CRPPA: variants seen among roughly 807,000 people sequenced by gnomAD.
The protein encoded by CRPPA is CDP-L-ribitol pyrophosphorylase A.
Under a neutral mutation model 52.0 loss-of-function variants are expected in CRPPA, and 43 were observed. The observed-to-expected ratio is 0.83, with a 90% CI of 0.65 to 1.07. CRPPA has a LOEUF of 1.07. CRPPA is among the 50% of genes least tolerant of loss of function. The probability of loss-of-function intolerance (pLI) is 0.00; values close to 1 mark genes in which losing one functional copy is unlikely to be tolerated. For missense variants in CRPPA, 629 were observed against 551.7 expected (o/e 1.14, Z -1.40); for synonymous variants, 250 against 203.5 (o/e 1.23, Z -1.94).
intron 9 of CRPPA, among the ~76,000 whole-genome samples, chr7:16,165,226 G>A (rs1192021004): frequency 2.3e-4 from 34 of 147,660 alleles, no homozygotes; most frequent in Non-Finnish European, 2.1e-4. Flanking sequence ...CCTCCTCCAA[G>A]AAAAAAAAAA....
intron 2 of CRPPA, among the ~76,000 whole-genome samples, chr7:16,396,124 G>C (rs575669207): frequency 3.3e-5 from 5 of 152,244 alleles, no homozygotes; most frequent in South Asian, 2.1e-4. Flanking sequence ...TTCTCTAGAA[G>C]ACAATACTAT....
At chr7:16,098,172 T>C (rs1449962073) in intron 9 of CRPPA, among the ~76,000 whole-genome samples, 4 of 152,202 alleles carry the variant, frequency 2.6e-5, no homozygotes, top group Admixed American at 1.3e-4. Context: ...TCTCAAAGAA[T>C]AGCAGGAAAA....
chr7:16,216,413 T>C (rs967124705), intron 8 of CRPPA: 1 of 355,334 alleles, frequency 2.8e-6, no homozygotes, highest in African/African-American at 2.1e-5. Flanking sequence ...AAAACGAGGT[T>C]GAAAAACCAA....
At chr7:16,169,596 GA>G (rs1443791669) in intron 9 of CRPPA, among the ~76,000 whole-genome samples, 1 of 152,136 alleles carries the variant, frequency 6.6e-6, no homozygotes, top group Non-Finnish European at 1.5e-5. Flanking sequence ...TTAAATTCAA[GA>G]AAAAAATATA....
chr7:16,213,905 T>G (rs1382454468), intron 9 of CRPPA, among the ~76,000 whole-genome samples: 1 of 152,208 alleles, frequency 6.6e-6, no homozygotes, highest in Non-Finnish European at 1.5e-5. Context: ...TTAAATTCGT[T>G]CAACAAATTG....
intron 3 of CRPPA, among the ~76,000 whole-genome samples, chr7:16,321,808 A>C (rs1015209861): frequency 4.6e-5 from 7 of 152,192 alleles, no homozygotes; most frequent in Admixed American, 2.0e-4. Context: ...AAAAAGAATA[A>C]CTGGAAAACT....
At chr7:16,221,510 C>A (rs1200071684) in intron 8 of CRPPA, among the ~76,000 whole-genome samples, 9 of 152,092 alleles carry the variant, frequency 5.9e-5, no homozygotes, top group African/African-American at 2.2e-4. Context: ...GAACAGGCAA[C>A]CTACAAAATG....
In CRPPA at chr7:16,303,477, TAA is replaced by T. The variant is rs545663821; in HGVS notation, c.790-2013_790-2012del. On this transcript the variant is annotated intron_variant, in intron 4 of 9. Coordinates refer to ENST00000407010, the MANE Select transcript of CRPPA (RefSeq NM_001101426.4). Reference sequence around the variant, plus strand: ...GTTTCTGTGTTGAGACATAAAATAGTAAAAAAAAAAAAAAAAAAAAAAAAAAC... The same window carrying T: ...GTTTCTGTGTTGAGACATAAAATAGTAAAAAAAAAAAAAAAAAAAAAAAAC... 6.2e-3 allele frequency among the ~76,000 whole-genome samples: 281 copies of T among 44,966 alleles called. 3 individuals are homozygous for T. The highest frequency in any genetic ancestry group is 0.043 in the Middle Eastern group (2 of 46). 29.5% of individuals were successfully genotyped at this position (44,966 alleles called of 152,430 possible). A position where few individuals can be genotyped will look rare whatever the true frequency, so the allele number is the denominator to read the frequency against.
intron 6 of CRPPA, among the ~76,000 whole-genome samples, chr7:16,265,939 C>T (rs1285795365): frequency 6.6e-6 from 1 of 152,150 alleles, no homozygotes; most frequent in African/African-American, 2.4e-5. Flanking sequence ...TTGGAACTCC[C>T]AGGTCCACAT....
chr7:16,174,751 T>A (rs1025482957), intron 9 of CRPPA, among the ~76,000 whole-genome samples: 1 of 152,180 alleles, frequency 6.6e-6, no homozygotes, highest in Non-Finnish European at 1.5e-5. Flanking sequence ...TCTGTAAAGA[T>A]AAGTCAATGG....
intron 5 of CRPPA, among the ~76,000 whole-genome samples, chr7:16,293,072 T>C (rs1163943882): frequency 1.3e-5 from 2 of 151,886 alleles, no homozygotes; most frequent in Non-Finnish European, 2.9e-5. Context: ...TATCAATTAA[T>C]CACCTCTAGT....
At chr7:16,254,841 GAAAGA>G (rs1783587339) in intron 8 of CRPPA, among the ~76,000 whole-genome samples, 1 of 147,758 alleles carries the variant, frequency 6.8e-6, no homozygotes, top group Non-Finnish European at 1.5e-5. Flanking sequence ...AAGAAAGAAA[GAAAGA>G]GAAAGAAGAA....
Position 16,088,934 on chromosome 7 carries a change from G to C in CRPPA, c.*2761C>G, listed in dbSNP as rs375038374. ...CTTATATATCACGTCTTATATATCAGACGTGGCTTATATATCAGATGTCTT... is the reference window on the plus strand; with the variant it reads ...CTTATATATCACGTCTTATATATCACACGTGGCTTATATATCAGATGTCTT... On this transcript the variant is annotated 3_prime_UTR_variant, in exon 10 of 10. Transcript: ENST00000407010. 9.8e-6 allele frequency: 2 copies of C among 203,220 alleles called. No individual in the cohort carries two copies. The highest frequency in any genetic ancestry group is 4.5e-5 in the African/African-American group (2 of 44,466). The allele number at this position is 203,220 out of a possible 1,614,324, so 12.6% of individuals were successfully genotyped here.
intron 9 of CRPPA, among the ~76,000 whole-genome samples, chr7:16,148,418 TGTG>T (rs1783014999): frequency 6.6e-6 from 1 of 152,116 alleles, no homozygotes; most frequent in Non-Finnish European, 1.5e-5. Flanking sequence ...GATAAAAAAA[TGTG>T]GTACATATAC....
chr7:16,193,087 T>C (rs972121119), intron 9 of CRPPA, among the ~76,000 whole-genome samples: 6 of 152,164 alleles, frequency 3.9e-5, no homozygotes, highest in Non-Finnish European at 4.4e-5. Context: ...CAAAAATAAA[T>C]GCCTGTTGGC....
intron 5 of CRPPA, among the ~76,000 whole-genome samples, chr7:16,283,640 TTTTCCA>T (rs1211938781): frequency 6.6e-6 from 1 of 151,618 alleles, no homozygotes; most frequent in Non-Finnish European, 1.5e-5. Flanking sequence ...TTGGGGGTAA[TTTTCCA>T]GTTGTCTTTA....
At chr7:16,329,174 G>T (rs1051070326) in intron 3 of CRPPA, among the ~76,000 whole-genome samples, 1 of 152,096 alleles carries the variant, frequency 6.6e-6, no homozygotes, top group East Asian at 1.9e-4. Context: ...GAGGCAAGTC[G>T]GGCTTGTTCA....
intron 9 of CRPPA, among the ~76,000 whole-genome samples, chr7:16,139,025 C>A (rs1782814984): frequency 6.6e-6 from 1 of 152,162 alleles, no homozygotes. Context: ...TGGTCTCAAA[C>A]TCCTGACCTC....
chr7:16,142,964 G>C (rs1179205847), intron 9 of CRPPA, among the ~76,000 whole-genome samples: 1 of 152,156 alleles, frequency 6.6e-6, no homozygotes, highest in Non-Finnish European at 1.5e-5. Flanking sequence ...TTATAGTAAA[G>C]ACTTGTAACT....
Sources: gnomAD v4.1 joint callset for allele counts (sites outside exome capture counted in the v4.1 genomes callset) on GRCh38, gnomAD v4.1.1 for gene constraint, MANE v1.5 for transcripts, NCBI Gene and HGNC (gene_info 2026-07-23, HGNC 2026-07-21) for gene names.